The following ANKIB1 variants were observed in gnomAD, a reference collection of about 807,000 sequenced individuals.
ANKIB1 encodes the protein ankyrin repeat and IBR domain-containing protein 1.
In ANKIB1, 43 loss-of-function variants were observed where a neutral mutation model predicts 122.1. That is an observed-to-expected ratio of 0.35 (90% CI 0.28 to 0.45). The LOEUF (loss-of-function observed/expected upper bound fraction) is 0.45, where lower values mean the gene tolerates loss of function less well. Among genes scored for constraint, ANKIB1 ranks in the 20% least tolerant of loss-of-function variants. The pLI is 1.00. For missense variants in ANKIB1, 992 were observed against 1,329.5 expected (o/e 0.75, Z 3.95); for synonymous variants, 390 against 442.0 (o/e 0.88, Z 1.48).
chr7:92,280,928 A>T (rs1802001555), intron 1 of ANKIB1, among the ~76,000 whole-genome samples: 1 of 152,176 alleles, frequency 6.6e-6, no homozygotes, highest in Non-Finnish European at 1.5e-5. Flanking sequence ...CCCACTTCTG[A>T]CACCACTTTT....
chr7:92,385,814 G>A (rs1352764146), intron 11 of ANKIB1, among the ~76,000 whole-genome samples: 3 of 152,008 alleles, frequency 2.0e-5, no homozygotes, highest in Admixed American at 6.6e-5. Flanking sequence ...AAACCAACAC[G>A]GGACATGTAT....
chr7:92,291,293 C>CA lies in ANKIB1; in HGVS notation c.-90-3581dup, dbSNP rs1437355363. On this transcript the variant is annotated intron_variant, in intron 1 of 19. Coordinates refer to ENST00000265742, the MANE Select transcript of ANKIB1 (RefSeq NM_019004.2). ...TGGGCAACAGAGCGAGATCCCGTCT[C>CA]AAAAAAAAAAAAAAAGAGTATAATT... Among the ~76,000 whole-genome samples the CA allele has an allele frequency of 7.6e-3, 711 of 93,116 alleles. 4 individuals carry two copies. The highest frequency in any genetic ancestry group is 0.041 in the East Asian group (134 of 3,272). The allele number at this position is 93,116 out of a possible 152,430, so 61.1% of individuals were successfully genotyped here. A position where few individuals can be genotyped will look rare whatever the true frequency, so the allele number is the denominator to read the frequency against.
At position 92,327,136 on chromosome 7, in the gene ANKIB1, C is replaced by T. The variant is rs572445892; in HGVS notation, c.670-647C>T. Among the ~76,000 whole-genome samples the T allele has an allele frequency of 2.0e-5, 3 of 152,250 alleles. No homozygotes were observed. In the East Asian group the frequency reaches 5.8e-4, roughly 29 times the overall value. ...GAATTATAGGTTTTTATTTCTAATA[C>T]TTTTTGTATAATCCAAAATTTTAAA... On this transcript the variant is annotated intron_variant, in intron 4 of 19. Coordinates refer to ENST00000265742, the MANE Select transcript of ANKIB1 (RefSeq NM_019004.2).
At chr7:92,330,248 CTTTA>C (rs1180599505) in intron 5 of ANKIB1, among the ~76,000 whole-genome samples, 1 of 152,086 alleles carries the variant, frequency 6.6e-6, no homozygotes, top group East Asian at 1.9e-4. Flanking sequence ...ATTACAATCT[CTTTA>C]TTTGCTTCTT....
At chr7:92,329,753 A>G (rs1803122880) in intron 5 of ANKIB1, among the ~76,000 whole-genome samples, 6 of 152,110 alleles carry the variant, frequency 3.9e-5, no homozygotes, top group Admixed American at 3.9e-4. Context: ...CCACAGTCCC[A>G]TTATTTCTCT....
chr7:92,387,840 A>G lies in ANKIB1; in HGVS notation c.1795A>G (p.Met599Val). 1 of 1,612,166 alleles carries G rather than the reference A, an allele frequency of 6.2e-7. No homozygotes were observed. Among genetic ancestry groups the G allele is most frequent in the Non-Finnish European group, 8.5e-7 (1 of 1,179,362 alleles). ...HKRFQELDRF[M>V]HYYTRFKNHE... Reference sequence around the variant, plus strand: ...ACGATTTCAGGAACTTGACAGATTTATGCACTATTATACAAGATTTAAAAA... The same window carrying G: ...ACGATTTCAGGAACTTGACAGATTTGTGCACTATTATACAAGATTTAAAAA... Residue 599 changes from methionine (M) to valine (V), a missense_variant, in exon 13 of 20, where the codon ATG becomes GTG. Around this residue, in one of 4 missense-constraint regions of ANKIB1, gnomAD observed 521 missense variants for 777.7 expected, o/e 0.67. Transcript: ENST00000265742.
At chr7:92,340,994 T>C (rs1318442697) in intron 5 of ANKIB1, among the ~76,000 whole-genome samples, 3 of 152,116 alleles carry the variant, frequency 2.0e-5, no homozygotes, top group African/African-American at 7.2e-5. Context: ...GGTTCCTCAT[T>C]GCTGACAGAA....
intron 1 of ANKIB1, among the ~76,000 whole-genome samples, chr7:92,262,101 A>C (rs1335390652): frequency 6.6e-6 from 1 of 152,182 alleles, no homozygotes; most frequent in Non-Finnish European, 1.5e-5. Context: ...CTTATTTCTG[A>C]TGTTGGAGAG....
intron 1 of ANKIB1, among the ~76,000 whole-genome samples, chr7:92,293,554 A>G (rs1396422234): frequency 6.6e-6 from 1 of 152,166 alleles, no homozygotes; most frequent in Non-Finnish European, 1.5e-5. Context: ...AACATGAAAG[A>G]CTGTTGTATT....
chr7:92,381,593 T>A (rs943820941), intron 11 of ANKIB1, among the ~76,000 whole-genome samples: 1 of 152,160 alleles, frequency 6.6e-6, no homozygotes, highest in Non-Finnish European at 1.5e-5. Flanking sequence ...TATTCAACAT[T>A]CTTAAAGAAA....
intron 11 of ANKIB1, among the ~76,000 whole-genome samples, chr7:92,385,908 A>G (rs1039675067): frequency 6.6e-6 from 1 of 152,134 alleles, no homozygotes; most frequent in Non-Finnish European, 1.5e-5. Flanking sequence ...TAAATAAACC[A>G]TTAAGAGTAC....
chr7:92,351,150 C>G, intron 8 of ANKIB1, 56 bp downstream of exon 8: 1 of 1,288,564 alleles, frequency 7.8e-7, no homozygotes, highest in Non-Finnish European at 1.0e-6. Flanking sequence ...TTTATTAAAC[C>G]TTTATAACAT....
chr7:92,346,168 C>T (rs1803535361), intron 7 of ANKIB1, among the ~76,000 whole-genome samples: 1 of 151,932 alleles, frequency 6.6e-6, no homozygotes, highest in African/African-American at 2.4e-5. Context: ...CACTCTGTCA[C>T]CCAGGCTGAA....
chr7:92,284,129 C>T (rs2131905526), intron 1 of ANKIB1, among the ~76,000 whole-genome samples: 1 of 152,276 alleles, frequency 6.6e-6, no homozygotes, highest in East Asian at 1.9e-4. Context: ...ATATTTGTGA[C>T]ATTTAAACTG....
At chr7:92,284,104 T>A (rs1472226781) in intron 1 of ANKIB1, among the ~76,000 whole-genome samples, 1 of 152,228 alleles carries the variant, frequency 6.6e-6, no homozygotes, top group Non-Finnish European at 1.5e-5. Context: ...GAATACAGGT[T>A]AACATTTCAA....
At position 92,295,116 on chromosome 7, in the gene ANKIB1, C is replaced by T. The variant is rs1218625176; in HGVS notation, c.138C>T (p.His46=). Reference sequence around the variant, plus strand: ...CATCTTATGGGGAGCCCTACCAGCACAATACTCCATTACATTATGCTGCTA... The same window carrying T: ...CATCTTATGGGGAGCCCTACCAGCATAATACTCCATTACATTATGCTGCTA... ...PNTSYGEPYQ[H]NTPLHYAARH... is the part of the protein sequence containing the mutation. Residue 46 remains histidine, a synonymous_variant, in exon 2 of 20, where the codon CAC becomes CAT. Transcript: ENST00000265742. 2.5e-6 allele frequency: 4 copies of T among 1,573,652 alleles called. No individual in the cohort carries two copies. The highest frequency in any genetic ancestry group is 3.5e-6 in the Non-Finnish European group (4 of 1,158,466).
intron 4 of ANKIB1, chr7:92,325,904 TTTC>T: frequency 2.3e-6 from 1 of 438,686 alleles, no homozygotes; most frequent in Non-Finnish European, 4.5e-6. Context: ...TTAATTTAGT[TTTC>T]TTTTTCTTTC....
chr7:92,351,170 T>G, intron 8 of ANKIB1, 76 bp downstream of exon 8: 1 of 1,240,382 alleles, frequency 8.1e-7, no homozygotes, highest in Non-Finnish European at 1.0e-6. Context: ...TTATTTTTTC[T>G]TTTTGTTTTA....
chr7:92,320,125 T>C (rs1802876243), intron 4 of ANKIB1, among the ~76,000 whole-genome samples: 1 of 152,312 alleles, frequency 6.6e-6, no homozygotes, highest in Admixed American at 6.5e-5. Context: ...GGATTGATCA[T>C]ATCAACAAAC....
Sources: gnomAD v4.1 joint callset for allele counts (sites outside exome capture counted in the v4.1 genomes callset) on GRCh38, gnomAD v4.1.1 for gene constraint, gnomAD v4.1.1 regional missense constraint, MANE v1.5 for transcripts, NCBI Gene and HGNC (gene_info 2026-07-23, HGNC 2026-07-21) for gene names.